ZNF148: variants seen among roughly 807,000 people sequenced by gnomAD.
ZNF148 encodes the protein Beta-Enolase Repressor Factor-1.
In ZNF148, 7 loss-of-function variants were observed where a neutral mutation model predicts 67.7. That is an observed-to-expected ratio of 0.10 (90% CI 0.06 to 0.19). The LOEUF is 0.19. ZNF148 is among the 10% of genes least tolerant of loss of function. ZNF148 has a pLI of 1.00. For synonymous variants in ZNF148, 333 were observed against 330.7 expected, an observed-to-expected ratio of 1.01 and a Z score of -0.08; for missense variants, 583 against 947.1, an observed-to-expected ratio of 0.62 and a Z score of 5.05.
At chr3:125,302,668 T>C (rs1317071356) in intron 4 of ZNF148, among the ~76,000 whole-genome samples, 2 of 152,142 alleles carry the variant, frequency 1.3e-5, no homozygotes, top group Non-Finnish European at 2.9e-5. Flanking sequence ...ACCATAAAAA[T>C]GGAATTATCA....
chr3:125,280,742 T>C (rs897276019), intron 5 of ZNF148, among the ~76,000 whole-genome samples: 10 of 139,934 alleles, frequency 7.1e-5, no homozygotes, highest in Middle Eastern at 7.6e-3. Context: ...GATTCCTTTT[T>C]CATTATTGAC....
At chr3:125,355,404 A>G (rs763235091) in intron 1 of ZNF148, among the ~76,000 whole-genome samples, 3 of 152,214 alleles carry the variant, frequency 2.0e-5, no homozygotes, top group Non-Finnish European at 2.9e-5. Context: ...ACTAGATGCC[A>G]GTGGAACCCC....
At chr3:125,235,109 T>C (rs1483075328) in intron 7 of ZNF148, among the ~76,000 whole-genome samples, 3 of 152,198 alleles carry the variant, frequency 2.0e-5, no homozygotes, top group South Asian at 2.1e-4. Context: ...CAGAAGGGTA[T>C]GACAAGAAGT....
chr3:125,259,327 G>T (rs568733079), intron 7 of ZNF148, among the ~76,000 whole-genome samples: 1 of 152,258 alleles, frequency 6.6e-6, no homozygotes, highest in Admixed American at 6.5e-5. Context: ...TTATTAGAAT[G>T]ACTAAAATGA....
intron 2 of ZNF148, 138 bp downstream of exon 2, chr3:125,331,020 T>C: frequency 2.5e-6 from 1 of 393,496 alleles, no homozygotes; most frequent in Non-Finnish European, 4.5e-6. Context: ...GATACCATGT[T>C]ATTTATATGA....
intron 1 of ZNF148, among the ~76,000 whole-genome samples, chr3:125,340,386 G>A (rs1021660341): frequency 2.6e-5 from 4 of 152,178 alleles, no homozygotes; most frequent in African/African-American, 9.7e-5. Flanking sequence ...GAGGCAAGTA[G>A]GCAAAATTCA....
intron 7 of ZNF148, among the ~76,000 whole-genome samples, chr3:125,267,028 C>T (rs1023532459): frequency 2.0e-5 from 3 of 148,634 alleles, no homozygotes; most frequent in African/African-American, 7.5e-5. Flanking sequence ...AGATCAATAA[C>T]GAGTTCCAAA....
At chr3:125,273,713 C>T (rs901245541) in intron 7 of ZNF148, among the ~76,000 whole-genome samples, 1 of 152,050 alleles carries the variant, frequency 6.6e-6, no homozygotes, top group Non-Finnish European at 1.5e-5. Flanking sequence ...AACTCCTGAC[C>T]TCGTGATCCG....
intron 7 of ZNF148, among the ~76,000 whole-genome samples, chr3:125,252,982 T>C (rs1280142691): frequency 6.6e-6 from 1 of 152,142 alleles, no homozygotes; most frequent in Non-Finnish European, 1.5e-5. Context: ...TGCTTTTCCA[T>C]ATATGTTTTA....
chr3:125,307,308 T>TG (rs1939933403), intron 4 of ZNF148, among the ~76,000 whole-genome samples: 1 of 14,430 alleles, frequency 6.9e-5, no homozygotes, highest in Non-Finnish European at 3.4e-4. Flanking sequence ...TCCATTCATG[T>TG]TTTTTTTTTT....
intron 2 of ZNF148, among the ~76,000 whole-genome samples, chr3:125,327,592 G>A (rs1473575127): frequency 1.3e-5 from 2 of 152,150 alleles, no homozygotes; most frequent in African/African-American, 4.8e-5. Context: ...AGCCTGAGGT[G>A]GATGGATTGC....
rs1436827937 is a variant in ZNF148 at position 125,232,328 on chromosome 3, T to C, written c.*13A>G. The C allele has an allele frequency of 9.2e-5, 1 of 10,824 alleles. No individual in the cohort carries two copies. Among genetic ancestry groups the C allele is most frequent in the Admixed American group, 6.2e-4 (1 of 1,624 alleles). The allele number at this position is 10,824 out of a possible 1,614,324, so 0.7% of individuals were successfully genotyped here. ...TCTAAAGTGCCAGTATTATTTACAC[T>C]TTTTTTTTTTTTTTAGCCAAAAGTC... On this transcript the variant is annotated 3_prime_UTR_variant, in exon 9 of 9. Transcript: ENST00000360647. This position sits in a 1 kb window ranked among gnomAD's most constrained non-coding sequence, Gnocchi z 4.2.
intron 1 of ZNF148, among the ~76,000 whole-genome samples, chr3:125,372,970 AAAAT>A (rs753062781): frequency 2.0e-5 from 3 of 152,162 alleles, no homozygotes. Context: ...CCGTCTCAAA[AAAAT>A]AAATAAATAA....
chr3:125,260,557 A>C (rs938817446), intron 7 of ZNF148, among the ~76,000 whole-genome samples: 1 of 152,218 alleles, frequency 6.6e-6, no homozygotes, highest in Non-Finnish European at 1.5e-5. Flanking sequence ...GTTCTGGAAG[A>C]GGCAAAACTA....
At chr3:125,350,539 G>A (rs2107756805) in intron 1 of ZNF148, among the ~76,000 whole-genome samples, 1 of 152,272 alleles carries the variant, frequency 6.6e-6, no homozygotes, top group South Asian at 2.1e-4. Context: ...CCAGGGACTG[G>A]TTTCACGGAA....
chr3:125,302,150 G>C (rs1171862946), intron 4 of ZNF148, among the ~76,000 whole-genome samples: 1 of 152,036 alleles, frequency 6.6e-6, no homozygotes. Context: ...GCCAAGGTGG[G>C]AGGATCGCTT....
At chr3:125,265,969 CAAAG>C (rs1937521293) in intron 7 of ZNF148, among the ~76,000 whole-genome samples, 1 of 151,760 alleles carries the variant, frequency 6.6e-6, no homozygotes, top group South Asian at 2.1e-4. Flanking sequence ...TAAAAAAAGA[CAAAG>C]AAGGTCATTT....
intron 5 of ZNF148, among the ~76,000 whole-genome samples, chr3:125,280,223 T>C (rs1419968048): frequency 6.6e-6 from 1 of 151,976 alleles, no homozygotes; most frequent in Non-Finnish European, 1.5e-5. Context: ...TTTTAAAAAA[T>C]AGAAGTGGGT....
At chr3:125,365,547 G>A (rs536395317) in intron 1 of ZNF148, among the ~76,000 whole-genome samples, 17 of 152,156 alleles carry the variant, frequency 1.1e-4, no homozygotes, top group South Asian at 2.1e-4. Flanking sequence ...GCCAGGCATG[G>A]TGGCTCACAC....
Sources: allele counts gnomAD v4.1 joint callset (sites outside exome capture counted in the v4.1 genomes callset), GRCh38; gene constraint gnomAD v4.1.1; non-coding constraint Gnocchi (gnomAD v3.1); transcripts MANE v1.5; gene names NCBI Gene and HGNC (gene_info 2026-07-23, HGNC 2026-07-21).